Variants in CPM observed in about 807,000 individuals in gnomAD.
The protein encoded by CPM is carboxypeptidase M, also known as renal carboxypeptidase.
Under a neutral mutation model 46.4 loss-of-function variants are expected in CPM, and 35 were observed. The observed-to-expected ratio is 0.75, with a 90% CI of 0.58 to 1.00. The LOEUF (loss-of-function observed/expected upper bound fraction) is 1.00, where lower values mean the gene tolerates loss of function less well. CPM is among the 50% of genes least tolerant of loss of function. The pLI, the probability that CPM is intolerant of heterozygous loss-of-function variation, is 0.00. For missense variants in CPM, 422 were observed against 530.4 expected (o/e 0.80, Z 2.01); for synonymous variants, 195 against 195.3 (o/e 1.00, Z 0.01).
intron 2 of CPM, among the ~76,000 whole-genome samples, chr12:68,894,359 G>C (rs1182050917): frequency 6.6e-6 from 1 of 152,092 alleles, no homozygotes; most frequent in Non-Finnish European, 1.5e-5. Context: ...AATTATTGGT[G>C]TATCTCCAGG....
At chr12:68,843,678 T>TG (rs1884004268) in intron 5 of CPM, 3 of 220,644 alleles carry the variant, frequency 1.4e-5, no homozygotes, top group Non-Finnish European at 2.7e-5. Context: ...ACTTTACTAA[T>TG]GGTACATTGT....
At chr12:68,880,599 A>T (rs1444638319) in intron 3 of CPM, among the ~76,000 whole-genome samples, 2 of 152,200 alleles carry the variant, frequency 1.3e-5, no homozygotes, top group Non-Finnish European at 2.9e-5. Context: ...AGAACATTTT[A>T]AAAACAGAGA....
At chr12:68,939,081 T>C (rs1888719028) in intron 1 of CPM, among the ~76,000 whole-genome samples, 1 of 146,740 alleles carries the variant, frequency 6.8e-6, no homozygotes, top group African/African-American at 2.5e-5. Flanking sequence ...TCTATATATG[T>C]ATACACATAT....
At chr12:68,902,819 A>G (rs772051697) in intron 2 of CPM, among the ~76,000 whole-genome samples, 14 of 152,192 alleles carry the variant, frequency 9.2e-5, no homozygotes, top group Non-Finnish European at 1.9e-4. Context: ...AGTAAAACAG[A>G]CCTTCTTCTA....
chr12:68,900,995 C>A (rs907447497), intron 2 of CPM, among the ~76,000 whole-genome samples: 1 of 152,138 alleles, frequency 6.6e-6, no homozygotes, highest in South Asian at 2.1e-4. Flanking sequence ...TTAGTTGTAA[C>A]AAATGTACCA....
chr12:68,962,393 C>T (rs927351205), intron 1 of CPM, among the ~76,000 whole-genome samples: 1 of 152,040 alleles, frequency 6.6e-6, no homozygotes, highest in Non-Finnish European at 1.5e-5. Flanking sequence ...TTTCTCTGAC[C>T]TTCTCCTGCT....
At chr12:68,942,059 C>G (rs1888774481) in intron 1 of CPM, among the ~76,000 whole-genome samples, 1 of 152,234 alleles carries the variant, frequency 6.6e-6, no homozygotes, top group African/African-American at 2.4e-5. Context: ...CAAGCATTCT[C>G]TGTTTAAAAC....
At chr12:68,928,420 G>T (rs1286565203) in intron 2 of CPM, among the ~76,000 whole-genome samples, 1 of 152,214 alleles carries the variant, frequency 6.6e-6, no homozygotes, top group Non-Finnish European at 1.5e-5. Flanking sequence ...AAAGAGAATA[G>T]AGAGGTGCTT....
intron 2 of CPM, among the ~76,000 whole-genome samples, chr12:68,929,661 T>A (rs1888422934): frequency 6.6e-6 from 1 of 152,182 alleles, no homozygotes; most frequent in South Asian, 2.1e-4. Context: ...CCAATAATAA[T>A]AGAAGGTAAT....
intron 1 of CPM, among the ~76,000 whole-genome samples, chr12:68,951,263 C>T (rs773035744): frequency 1.3e-5 from 2 of 152,236 alleles, no homozygotes; most frequent in Non-Finnish European, 2.9e-5. Context: ...CAAACTTCAA[C>T]AGCATTCAAC....
chr12:68,898,293 A>G (rs536356714), intron 2 of CPM, among the ~76,000 whole-genome samples: 22 of 152,310 alleles, frequency 1.4e-4, no homozygotes, highest in African/African-American at 4.8e-4. Flanking sequence ...TATTGCTACC[A>G]TAAGAACTCA....
chr12:68,956,331 G>C (rs1889017708), intron 1 of CPM, among the ~76,000 whole-genome samples: 1 of 152,196 alleles, frequency 6.6e-6, no homozygotes, highest in Admixed American at 6.5e-5. Context: ...GGGATGCCAG[G>C]GTCTGTAGCC....
intron 2 of CPM, among the ~76,000 whole-genome samples, chr12:68,916,579 T>C (rs1887813305): frequency 1.3e-5 from 2 of 152,154 alleles, no homozygotes; most frequent in Admixed American, 1.3e-4. Context: ...GAAATGACTG[T>C]TGCACCAAAT....
chr12:68,928,037 A>G (rs1349956311), intron 2 of CPM, among the ~76,000 whole-genome samples: 1 of 152,184 alleles, frequency 6.6e-6, no homozygotes, highest in Non-Finnish European at 1.5e-5. Flanking sequence ...GTTCATATGG[A>G]ACCAAAAAAG....
chr12:68,920,108 C>T (rs896145426), intron 2 of CPM, among the ~76,000 whole-genome samples: 27 of 152,308 alleles, frequency 1.8e-4, no homozygotes, highest in East Asian at 9.6e-4. Flanking sequence ...CACCATGTGA[C>T]GTGCCTGGTC....
At chr12:68,908,353 T>C (rs1887438180) in intron 2 of CPM, among the ~76,000 whole-genome samples, 1 of 151,888 alleles carries the variant, frequency 6.6e-6, no homozygotes, top group Non-Finnish European at 1.5e-5. Flanking sequence ...GCTGTGTCTC[T>C]ACCTACAGCC....
intron 5 of CPM, 131 bp from the exon 6 acceptor site, chr12:68,869,626 C>T: frequency 1.3e-6 from 1 of 747,920 alleles, no homozygotes; most frequent in Non-Finnish European, 2.1e-6. Context: ...AATCCTTCAT[C>T]CACCTCCTCT....
At chr12:68,892,756 G>A (rs190376172) in intron 2 of CPM, among the ~76,000 whole-genome samples, 3 of 152,208 alleles carry the variant, frequency 2.0e-5, no homozygotes, top group Admixed American at 1.3e-4. Flanking sequence ...CTATTCGGGA[G>A]GCTGAGGCTG....
At chr12:68,956,037 G>A (rs767849069) in intron 1 of CPM, among the ~76,000 whole-genome samples, 6 of 152,032 alleles carry the variant, frequency 3.9e-5, no homozygotes, top group Non-Finnish European at 8.8e-5. Context: ...GCCCTCCACG[G>A]CACCCACAGT....
Sources: gnomAD v4.1 joint callset for allele counts (sites outside exome capture counted in the v4.1 genomes callset) on GRCh38, gnomAD v4.1.1 for gene constraint, MANE v1.5 for transcripts, NCBI Gene and HGNC (gene_info 2026-07-23, HGNC 2026-07-21) for gene names.